The following RAB10 variants were observed in gnomAD, a reference collection of about 807,000 sequenced individuals.
The protein encoded by RAB10 is ras-related protein Rab-10.
Under a neutral mutation model 25.7 loss-of-function variants are expected in RAB10, and 5 were observed. That is an observed-to-expected ratio of 0.19 (90% confidence interval 0.10 to 0.41). RAB10 has a LOEUF of 0.41. RAB10 is among the 10% of genes least tolerant of loss of function. RAB10 has a pLI of 1.00. For synonymous variants in RAB10, 89 were observed against 86.4 expected, an observed-to-expected ratio of 1.03 and a Z score of -0.16; for missense variants, 103 against 245.8, an observed-to-expected ratio of 0.42 and a Z score of 3.89.
chr2:26,088,618 C>G (rs1391743010), intron 1 of RAB10, among the ~76,000 whole-genome samples: 1 of 151,996 alleles, frequency 6.6e-6, no homozygotes, highest in Admixed American at 6.6e-5. Flanking sequence ...ACTTGTCCCC[C>G]CACCAAGTTG....
chr2:26,062,867 C>T (rs1035958749), intron 1 of RAB10, among the ~76,000 whole-genome samples: 3 of 152,036 alleles, frequency 2.0e-5, no homozygotes, highest in African/African-American at 7.3e-5. Context: ...GTAATTCCAG[C>T]ACTTTGGGAG....
chr2:26,107,735 G>A lies in RAB10; in HGVS notation c.189-2033G>A, dbSNP rs573033322. ...CACTTGAACCCAGGAGGCAGAGGTT[G>A]CAGTGAGCCGAGACTGTGCCATTGC... On this transcript the variant is annotated intron_variant, in intron 2 of 5. Coordinates refer to ENST00000264710, the MANE Select transcript of RAB10 (RefSeq NM_016131.5). 4.3e-4 allele frequency among the ~76,000 whole-genome samples: 65 copies of A among 152,074 alleles called. 2 individuals carry two copies. In the South Asian group the frequency reaches 0.013, roughly 30 times the overall value.
intron 1 of RAB10, among the ~76,000 whole-genome samples, chr2:26,080,213 G>T (rs80150595): frequency 0.037 from 5,631 of 152,204 alleles, 152 homozygotes; most frequent in Non-Finnish European, 0.053. Flanking sequence ...TGAGTCCATA[G>T]TAGCAAAAAT....
chr2:26,135,912 A>T lies in RAB10; in HGVS notation c.*891A>T, dbSNP rs1668102853. On this transcript the variant is annotated 3_prime_UTR_variant, in exon 6 of 6. Coordinates refer to ENST00000264710, the MANE Select transcript of RAB10 (RefSeq NM_016131.5). ...AGCACTGATGTAACTTGCTAGGTAA[A>T]CGGAAAGATAAGTTCTAACTGCCTA... 6.6e-6 allele frequency: 1 copy of T among 152,598 alleles called. No individual in the cohort carries two copies. 9.5% of individuals were successfully genotyped at this position (152,598 alleles called of 1,614,324 possible).
intron 1 of RAB10, among the ~76,000 whole-genome samples, chr2:26,049,633 T>C (rs1160830737): frequency 6.6e-6 from 1 of 152,078 alleles, no homozygotes; most frequent in Non-Finnish European, 1.5e-5. Context: ...GGTCTCGAAA[T>C]TCTGACCTCA....
At chr2:26,113,743 T>TAAAAAAAAAAA (rs56063928) in intron 3 of RAB10, among the ~76,000 whole-genome samples, 1 of 125,616 alleles carries the variant, frequency 8.0e-6, no homozygotes, top group Non-Finnish European at 1.7e-5. Context: ...CAGCCAGAGC[T>TAAAAAAAAAAA]AAAAAAAAAA....
chr2:26,102,576 C>G (rs984995517), intron 2 of RAB10, among the ~76,000 whole-genome samples: 6 of 151,996 alleles, frequency 3.9e-5, no homozygotes, highest in African/African-American at 9.7e-5. Context: ...GCAGCTGGGA[C>G]TACAGGTGCC....
chr2:26,091,796 A>T (rs543991026), intron 1 of RAB10, among the ~76,000 whole-genome samples: 20 of 152,248 alleles, frequency 1.3e-4, no homozygotes, highest in African/African-American at 4.3e-4. Context: ...AGCAATGAAG[A>T]TTGATGAGTG....
intron 1 of RAB10, among the ~76,000 whole-genome samples, chr2:26,060,846 AT>A (rs973714334): frequency 1.3e-5 from 2 of 152,158 alleles, no homozygotes; most frequent in African/African-American, 4.8e-5. Context: ...ACAATAAAAA[AT>A]CTGCTGGCCC....
intron 1 of RAB10, among the ~76,000 whole-genome samples, chr2:26,059,393 A>G (rs997353349): frequency 6.6e-6 from 1 of 152,224 alleles, no homozygotes; most frequent in South Asian, 2.1e-4. Context: ...AATAAACACA[A>G]TGTACTAGAA....
chr2:26,103,271 T>A (rs968429520), intron 2 of RAB10, among the ~76,000 whole-genome samples: 1 of 152,210 alleles, frequency 6.6e-6, no homozygotes, highest in East Asian at 1.9e-4. Context: ...ATGGCAGATA[T>A]GTGAACATGC....
rs1668128584 is a variant in RAB10, at chr2:26,137,175, A to C, written c.*2154A>C. ...TATGGCTACCTTTTGTTAAATCTGC[A>C]CTTTCTAAATATCAAAAAAGGGAAA... On this transcript the variant is annotated 3_prime_UTR_variant, in exon 6 of 6. Coordinates refer to ENST00000264710, the MANE Select transcript of RAB10 (RefSeq NM_016131.5). The C allele has an allele frequency of 6.5e-6, 1 of 152,674 alleles. No individual in the cohort carries two copies. The highest frequency in any genetic ancestry group is 2.4e-5 in the African/African-American group (1 of 41,476). The allele number at this position is 152,674 out of a possible 1,614,324, so 9.5% of individuals were successfully genotyped here. A position where few individuals can be genotyped will look rare whatever the true frequency, so the allele number is the denominator to read the frequency against.
At chr2:26,066,372 G>A (rs898424513) in intron 1 of RAB10, among the ~76,000 whole-genome samples, 4 of 152,174 alleles carry the variant, frequency 2.6e-5, no homozygotes, top group African/African-American at 9.7e-5. Context: ...ACAGCTGCAT[G>A]TATTGTCATT....
At chr2:26,034,049 G>A (rs1665698700), upstream of RAB10, 1 of 401,220 alleles carries the variant, frequency 2.5e-6, no homozygotes, top group African/African-American at 2.1e-5. Context: ...CAAGGCTAGG[G>A]CGTGAGGGAA....
At chr2:26,055,240 T>C (rs1401677391) in intron 1 of RAB10, among the ~76,000 whole-genome samples, 4 of 152,192 alleles carry the variant, frequency 2.6e-5, no homozygotes, top group African/African-American at 9.7e-5. Context: ...TTTCTTATCA[T>C]CTGAAGTTAG....
intron 3 of RAB10, among the ~76,000 whole-genome samples, chr2:26,113,378 AGCCTG>A (rs760588915): frequency 1.3e-5 from 2 of 152,136 alleles, no homozygotes; most frequent in Non-Finnish European, 2.9e-5. Context: ...GTTCGAGACC[AGCCTG>A]GCCAACATGG....
chr2:26,091,164 C>G (rs1003316122), intron 1 of RAB10, among the ~76,000 whole-genome samples: 2 of 152,054 alleles, frequency 1.3e-5, no homozygotes, highest in South Asian at 2.1e-4. Context: ...AGGTATTGTT[C>G]TAGGTATGGG....
chr2:26,071,973 T>C (rs780273004), intron 1 of RAB10, among the ~76,000 whole-genome samples: 6 of 152,216 alleles, frequency 3.9e-5, no homozygotes, highest in Non-Finnish European at 5.9e-5. Context: ...GGTGATAATA[T>C]TATTTTTTTC....
chr2:26,088,840 G>A (rs143054872), intron 1 of RAB10, among the ~76,000 whole-genome samples: 3 of 151,972 alleles, frequency 2.0e-5, no homozygotes, highest in South Asian at 4.2e-4. Flanking sequence ...GGCAAGACTG[G>A]TCTCGAACTC....
Sources: allele counts gnomAD v4.1 joint callset (sites outside exome capture counted in the v4.1 genomes callset), GRCh38; gene constraint gnomAD v4.1.1; transcripts MANE v1.5; gene names NCBI Gene and HGNC (gene_info 2026-07-23, HGNC 2026-07-21).